The following PIBF1 variants were observed in gnomAD, a reference collection of about 807,000 sequenced individuals.
PIBF1 encodes progesterone immunomodulatory binding factor 1.
A neutral mutation model predicts 112.5 loss-of-function variants in PIBF1; 90 were observed. The ratio of observed to expected loss-of-function variants is 0.80; its 90% CI spans 0.67 to 0.95. The LOEUF is 0.95. Ranked by LOEUF, PIBF1 falls within the 40% of genes least tolerant of loss-of-function variation. The probability of loss-of-function intolerance (pLI) is 0.00; values close to 1 mark genes in which losing one functional copy is unlikely to be tolerated. For missense variants in PIBF1, 915 were observed against 852.3 expected, an observed-to-expected ratio of 1.07 and a Z score of -0.92; for synonymous variants, 301 against 288.6, an observed-to-expected ratio of 1.04 and a Z score of -0.44.
intron 11 of PIBF1, among the ~76,000 whole-genome samples, chr13:72,901,792 CAG>C (rs1187178946): frequency 6.6e-6 from 1 of 151,816 alleles, no homozygotes; most frequent in African/African-American, 2.4e-5. Flanking sequence ...CTATGGAAAA[CAG>C]TGTGGAAATT....
intron 16 of PIBF1, among the ~76,000 whole-genome samples, chr13:72,996,498 A>G (rs144645813): frequency 1.2e-4 from 19 of 152,308 alleles, no homozygotes; most frequent in Non-Finnish European, 2.5e-4. Flanking sequence ...GTACCACTAC[A>G]TGTGCTTAGC....
chr13:72,850,420 A>G (rs986531121), intron 9 of PIBF1, among the ~76,000 whole-genome samples: 79 of 152,358 alleles, frequency 5.2e-4, no homozygotes, highest in Non-Finnish European at 1.0e-3. Context: ...TTAACATAGT[A>G]CTTAACATAG....
chr13:72,865,858 C>T (rs2038904401), intron 10 of PIBF1, among the ~76,000 whole-genome samples: 1 of 152,136 alleles, frequency 6.6e-6, no homozygotes, highest in African/African-American at 2.4e-5. Flanking sequence ...CAAATATACA[C>T]ATCAAAAACA....
At chr13:72,923,973 A>T (rs772554885) in intron 13 of PIBF1, among the ~76,000 whole-genome samples, 9 of 152,124 alleles carry the variant, frequency 5.9e-5, no homozygotes, top group South Asian at 2.1e-4. Context: ...TCAAAAAAAA[A>T]TTTTTTTAAA....
At chr13:72,815,530 T>C (rs1328927918) in intron 5 of PIBF1, among the ~76,000 whole-genome samples, 4 of 152,254 alleles carry the variant, frequency 2.6e-5, no homozygotes, top group Non-Finnish European at 4.4e-5. Flanking sequence ...TAGCAATTTT[T>C]ATGATTAACA....
At position 72,849,949 on chromosome 13, in the gene PIBF1, G is replaced by T. The variant is rs3782934; in HGVS notation, c.1224-4108G>T. ...GAGTTGTGATATGTAAAGTGCTTAGGACGGCTTCTGGCACATGGTAAACAG... is the reference window on the plus strand; with the variant it reads ...GAGTTGTGATATGTAAAGTGCTTAGTACGGCTTCTGGCACATGGTAAACAG... On this transcript the variant is annotated intron_variant, in intron 9 of 17. Coordinates refer to ENST00000326291, the MANE Select transcript of PIBF1 (RefSeq NM_006346.4). Among the ~76,000 whole-genome samples, 9 of 152,232 alleles carry T rather than the reference G, an allele frequency of 5.9e-5. No homozygotes were observed. The East Asian group carries it at 1.7e-3, about 29-fold the overall frequency.
rs767585995 is a variant in PIBF1, at chr13:72,965,403, A to G, written c.1963A>G (p.Ser655Gly). The G allele has an allele frequency of 1.9e-6, 3 of 1,601,494 alleles. No individual in the cohort carries two copies. The highest frequency in any genetic ancestry group is 2.7e-5 in the African/African-American group (2 of 74,430). Residue 655 changes from serine (S) to glycine (G), a missense_variant and splice_region_variant, in exon 15 of 18, where the codon AGC (serine) becomes GGC (glycine). Transcript: ENST00000326291. Reference sequence around the variant, plus strand: ...TATTGCACAACTTGAGAAAGATGTCAGGTAAACCATCTACAAATCTTTTAT... The same window carrying G: ...TATTGCACAACTTGAGAAAGATGTCGGGTAAACCATCTACAAATCTTTTAT... ...ESIAQLEKDVSNLNKEKSALL... is the reference protein window; with the variant it reads ...ESIAQLEKDVGNLNKEKSALL...
intron 5 of PIBF1, among the ~76,000 whole-genome samples, chr13:72,800,549 C>T (rs969111341): frequency 2.0e-5 from 3 of 152,104 alleles, no homozygotes; most frequent in South Asian, 2.1e-4. Flanking sequence ...CTTCTCCGTC[C>T]GTAAAATAGG....
chr13:72,793,439 A>G (rs539081116), intron 3 of PIBF1, among the ~76,000 whole-genome samples: 30 of 152,314 alleles, frequency 2.0e-4, no homozygotes, highest in African/African-American at 5.8e-4. Flanking sequence ...AAAGAAGCCT[A>G]CTGGATCCCA....
chr13:72,900,852 G>A (rs748589205), intron 11 of PIBF1, among the ~76,000 whole-genome samples: 6 of 152,104 alleles, frequency 3.9e-5, no homozygotes, highest in Non-Finnish European at 8.8e-5. Context: ...GTGAAACACC[G>A]TCTCTACTAA....
At chr13:72,950,267 A>T (rs1261514276) in intron 14 of PIBF1, among the ~76,000 whole-genome samples, 1 of 152,184 alleles carries the variant, frequency 6.6e-6, no homozygotes, top group Non-Finnish European at 1.5e-5. Context: ...GACTCAGAGA[A>T]CCCCAATACT....
intron 16 of PIBF1, among the ~76,000 whole-genome samples, chr13:72,993,256 C>T (rs774754640): frequency 1.3e-5 from 2 of 151,632 alleles, no homozygotes; most frequent in East Asian, 2.0e-4. Flanking sequence ...GCCCAGGAGG[C>T]GGAGGTTGTA....
At chr13:72,928,044 T>TATACAC (rs1425822905) in intron 13 of PIBF1, among the ~76,000 whole-genome samples, 5 of 130,088 alleles carry the variant, frequency 3.8e-5, no homozygotes, top group Admixed American at 1.6e-4. Context: ...TATATATATA[T>TATACAC]ACATATATAT....
chr13:72,957,242 G>T (rs1248714534), intron 14 of PIBF1, among the ~76,000 whole-genome samples: 1 of 152,126 alleles, frequency 6.6e-6, no homozygotes. Flanking sequence ...ATTCACAATT[G>T]CAAAAATATG....
At position 72,965,741 on chromosome 13, in the gene PIBF1, A is replaced by G. The variant is rs1045152378; in HGVS notation, c.1964+337A>G. Among the ~76,000 whole-genome samples, 13 of 152,284 alleles carry G rather than the reference A, an allele frequency of 8.5e-5. No homozygotes were observed. The East Asian group carries it at 2.5e-3, about 29-fold the overall frequency. ...TGACCAGAGGGAGAGGAGGAATAAA[A>G]CCAGATGCCATTTGTGTCGTTAAAA... On this transcript the variant is annotated intron_variant, in intron 15 of 17. Coordinates refer to ENST00000326291, the MANE Select transcript of PIBF1 (RefSeq NM_006346.4).
chr13:72,856,287 T>G (rs539960339), intron 10 of PIBF1, among the ~76,000 whole-genome samples: 1 of 152,324 alleles, frequency 6.6e-6, no homozygotes, highest in South Asian at 2.1e-4. Flanking sequence ...AATTTTGTTC[T>G]TCACAAGTTG....
intron 9 of PIBF1, among the ~76,000 whole-genome samples, chr13:72,849,314 T>G (rs2038023201): frequency 6.6e-6 from 1 of 152,254 alleles, no homozygotes; most frequent in African/African-American, 2.4e-5. Flanking sequence ...TACATTTGAT[T>G]ATACGCTTGG....
intron 5 of PIBF1, among the ~76,000 whole-genome samples, chr13:72,813,816 C>G (rs573228315): frequency 1.3e-5 from 2 of 151,492 alleles, no homozygotes; most frequent in South Asian, 2.1e-4. Context: ...TTCCTGCATA[C>G]AAGGGAAGAA....
chr13:72,872,272 A>C (rs1158991123), intron 10 of PIBF1, among the ~76,000 whole-genome samples: 1 of 152,224 alleles, frequency 6.6e-6, no homozygotes, highest in African/African-American at 2.4e-5. Flanking sequence ...GAGAGTTATC[A>C]ATGATTCCTG....
Sources: allele counts gnomAD v4.1 joint callset (sites outside exome capture counted in the v4.1 genomes callset), GRCh38; gene constraint gnomAD v4.1.1; transcripts MANE v1.5; gene names NCBI Gene and HGNC (gene_info 2026-07-23, HGNC 2026-07-21).